SNTG1: variants seen among roughly 807,000 people sequenced by gnomAD.
SNTG1 encodes the protein syntrophin gamma 1, also known as gamma-1-syntrophin.
SNTG1 carries 39 observed loss-of-function variants against 74.7 expected under a neutral mutation model. The observed-to-expected ratio is 0.52, with a 90% CI of 0.40 to 0.68. The LOEUF (loss-of-function observed/expected upper bound fraction) is 0.68, where lower values mean the gene tolerates loss of function less well. Ranked by LOEUF, SNTG1 falls within the 30% of genes least tolerant of loss-of-function variation. The pLI, the probability that SNTG1 is intolerant of heterozygous loss-of-function variation, is 0.00. For synonymous variants in SNTG1, 254 were observed against 217.1 expected (o/e 1.17, Z -1.49); for missense variants, 685 against 609.5 (o/e 1.12, Z -1.30).
chr8:50,086,033 GA>G, intron 1 of SNTG1, among the ~76,000 whole-genome samples: 1 of 147,168 alleles, frequency 6.8e-6, no homozygotes, highest in East Asian at 1.9e-4. Context: ...TTCTCTGAGA[GA>G]AAGAAAAAAA....
At chr8:50,503,673 T>TTATTTCTTAGATTCACA (rs1351475501) in intron 9 of SNTG1, among the ~76,000 whole-genome samples, 70 of 152,328 alleles carry the variant, frequency 4.6e-4, no homozygotes, top group Admixed American at 3.4e-3. Context: ...TCAGATTCAC[T>TTATTTCTTAGATTCACA]TATTTCTTAG....
intron 2 of SNTG1, among the ~76,000 whole-genome samples, chr8:50,249,523 C>T (rs1397868308): frequency 6.6e-6 from 1 of 152,202 alleles, no homozygotes; most frequent in Non-Finnish European, 1.5e-5. Context: ...TTGCTTAACA[C>T]ATGCACACCC....
chr8:50,565,993 C>G (rs1033269211), intron 12 of SNTG1, among the ~76,000 whole-genome samples: 1 of 151,746 alleles, frequency 6.6e-6, no homozygotes, highest in Non-Finnish European at 1.5e-5. Flanking sequence ...TTTCACTTGT[C>G]TAGGGTAAAA....
chr8:50,594,171 T>C (rs1364474832), intron 13 of SNTG1, among the ~76,000 whole-genome samples: 1 of 152,158 alleles, frequency 6.6e-6, no homozygotes, highest in Admixed American at 6.5e-5. Context: ...ATTCTCTCAA[T>C]GTATTAGAGG....
At chr8:50,642,531 C>T (rs979152591) in intron 13 of SNTG1, among the ~76,000 whole-genome samples, 10 of 152,074 alleles carry the variant, frequency 6.6e-5, no homozygotes, top group Non-Finnish European at 1.0e-4. Context: ...TTTTCAGTAA[C>T]CATAACCATA....
At chr8:49,917,010 C>A (rs1806101383) in intron 1 of SNTG1, among the ~76,000 whole-genome samples, 1 of 149,142 alleles carries the variant, frequency 6.7e-6, no homozygotes, top group African/African-American at 2.4e-5. Context: ...GAATGAGATT[C>A]TATCTCAAAA....
In SNTG1 at chr8:50,530,130, G is replaced by C. The variant is rs367856330; in HGVS notation, c.467-47G>C. The C allele has an allele frequency of 6.6e-5, 98 of 1,494,366 alleles. No homozygotes were observed. In the African/African-American group the frequency reaches 1.1e-3, roughly 17 times the overall value. The allele number at this position is 1,494,366 out of a possible 1,614,324, so 92.6% of individuals were successfully genotyped here. A position where few individuals can be genotyped will look rare whatever the true frequency, so the allele number is the denominator to read the frequency against. Reference sequence around the variant, plus strand: ...GTAATGGAATGCATCAGTTTAGAAGGTTATGGCATTCTCACCAGTGGAATG... The same window carrying C: ...GTAATGGAATGCATCAGTTTAGAAGCTTATGGCATTCTCACCAGTGGAATG... On this transcript the variant is annotated intron_variant, in intron 9 of 18. Transcript: ENST00000642720.
chr8:50,734,954 T>TATATGG (rs1483843540), intron 17 of SNTG1, among the ~76,000 whole-genome samples: 1 of 60,644 alleles, frequency 1.6e-5, no homozygotes, highest in African/African-American at 1.5e-4. Context: ...TGGACATATA[T>TATATGG]ATCTATATAT....
intron 9 of SNTG1, among the ~76,000 whole-genome samples, chr8:50,504,571 C>A (rs2129756661): frequency 6.6e-6 from 1 of 152,214 alleles, no homozygotes; most frequent in East Asian, 1.9e-4. Context: ...GCCGGCAGAT[C>A]ACCTAAGCTC....
chr8:50,649,307 G>A (rs1260028666), intron 13 of SNTG1, among the ~76,000 whole-genome samples: 3 of 152,040 alleles, frequency 2.0e-5, no homozygotes, highest in Non-Finnish European at 4.4e-5. Flanking sequence ...AGACCAGCCT[G>A]GCCAACATGG....
At chr8:50,087,732 C>A (rs1823030140) in intron 1 of SNTG1, among the ~76,000 whole-genome samples, 1 of 151,698 alleles carries the variant, frequency 6.6e-6, no homozygotes, top group South Asian at 2.1e-4. Flanking sequence ...TATGGGCAGT[C>A]CTGTTATACT....
At chr8:50,284,468 G>T (rs1483289009) in intron 2 of SNTG1, among the ~76,000 whole-genome samples, 1 of 152,010 alleles carries the variant, frequency 6.6e-6, no homozygotes, top group Non-Finnish European at 1.5e-5. Context: ...TCTGACTTTG[G>T]CCATTGGTTG....
rs373203582 is a variant in SNTG1, at chr8:49,944,023, A to C, written c.-103+31792A>C. On this transcript the variant is annotated intron_variant, in intron 1 of 18. Coordinates refer to ENST00000642720, the MANE Select transcript of SNTG1 (RefSeq NM_018967.5). ...TAGAATTAAGGAATTTTATCTCACT[A>C]TATTATCACTGAAGTATTTGTTGTA... Among the ~76,000 whole-genome samples the C allele has an allele frequency of 9.2e-5, 14 of 152,316 alleles. No homozygotes were observed. The East Asian group carries it at 1.7e-3, about 19-fold the overall frequency.
At chr8:50,468,240 T>C (rs1398826085) in intron 8 of SNTG1, among the ~76,000 whole-genome samples, 1 of 152,050 alleles carries the variant, frequency 6.6e-6, no homozygotes, top group African/African-American at 2.4e-5. Flanking sequence ...TAGGCTAAAA[T>C]TATAATAAAC....
At chr8:50,064,620 C>G (rs915457092) in intron 1 of SNTG1, among the ~76,000 whole-genome samples, 1 of 152,226 alleles carries the variant, frequency 6.6e-6, no homozygotes, top group Non-Finnish European at 1.5e-5. Flanking sequence ...CATCCACAAT[C>G]TGGCCCTGCC....
intron 2 of SNTG1, among the ~76,000 whole-genome samples, chr8:50,180,679 T>G (rs951480684): frequency 2.6e-5 from 4 of 151,854 alleles, no homozygotes; most frequent in African/African-American, 4.8e-5. Context: ...TCCTAATTAT[T>G]CCTTTTCTAT....
intron 2 of SNTG1, among the ~76,000 whole-genome samples, chr8:50,342,758 A>G (rs1439528505): frequency 6.6e-6 from 1 of 152,130 alleles, no homozygotes; most frequent in Non-Finnish European, 1.5e-5. Flanking sequence ...AAAAAGGATC[A>G]CCATAGTAGT....
At chr8:50,272,671 C>A (rs185352489) in intron 2 of SNTG1, among the ~76,000 whole-genome samples, 1 of 152,164 alleles carries the variant, frequency 6.6e-6, no homozygotes, top group Non-Finnish European at 1.5e-5. Flanking sequence ...AGAAAAGAGC[C>A]ATGAACCTTG....
At chr8:50,661,807 T>G (rs1311885919) in intron 15 of SNTG1, among the ~76,000 whole-genome samples, 1 of 152,162 alleles carries the variant, frequency 6.6e-6, no homozygotes, top group East Asian at 1.9e-4. Context: ...TCAAATACAA[T>G]GTAAATCTAC....
Sources: allele counts gnomAD v4.1 joint callset (sites outside exome capture counted in the v4.1 genomes callset), GRCh38; gene constraint gnomAD v4.1.1; transcripts MANE v1.5; gene names NCBI Gene and HGNC (gene_info 2026-07-23, HGNC 2026-07-21).